MACROD2: variants seen among roughly 807,000 people sequenced by gnomAD.
MACROD2 encodes the protein mono-ADP ribosylhydrolase 2, also known as ADP-ribose glycohydrolase MACROD2.
A neutral mutation model predicts 70.4 loss-of-function variants in MACROD2; 36 were observed. The ratio of observed to expected loss-of-function variants is 0.51; its 90% CI spans 0.39 to 0.68. MACROD2 has a LOEUF of 0.68. Among genes scored for constraint, MACROD2 ranks in the 30% least tolerant of loss-of-function variants. MACROD2 has a pLI of 0.00. For synonymous variants in MACROD2, 172 were observed against 178.8 expected, an observed-to-expected ratio of 0.96 and a Z score of 0.30; for missense variants, 496 against 538.4, an observed-to-expected ratio of 0.92 and a Z score of 0.78.
intron 12 of MACROD2, among the ~76,000 whole-genome samples, chr20:15,958,794 C>T (rs1013728185): frequency 1.3e-5 from 2 of 152,150 alleles, no homozygotes; most frequent in East Asian, 1.9e-4. Context: ...AGGGTTGGTC[C>T]CCACGATAGA....
chr20:14,140,866 A>G (rs1429047542), intron 3 of MACROD2, among the ~76,000 whole-genome samples: 6 of 152,220 alleles, frequency 3.9e-5, no homozygotes, highest in Non-Finnish European at 7.3e-5. Flanking sequence ...CTAGCCCTCT[A>G]TATGGATCTT....
At chr20:15,280,224 T>A (rs1231212468) in intron 6 of MACROD2, among the ~76,000 whole-genome samples, 2 of 152,190 alleles carry the variant, frequency 1.3e-5, no homozygotes, top group African/African-American at 4.8e-5. Context: ...GGTAAGAATA[T>A]TTGTTTCAGC....
At chr20:14,842,996 T>C (rs2073102909) in intron 5 of MACROD2, among the ~76,000 whole-genome samples, 1 of 151,994 alleles carries the variant, frequency 6.6e-6, no homozygotes, top group Non-Finnish European at 1.5e-5. Context: ...TCTCCATTTA[T>C]ACCATAAACA....
At chr20:15,448,685 A>G (rs1466607113) in intron 7 of MACROD2, among the ~76,000 whole-genome samples, 2 of 152,170 alleles carry the variant, frequency 1.3e-5, no homozygotes, top group Non-Finnish European at 2.9e-5. Flanking sequence ...TATAATGCAC[A>G]GTATTATCTT....
chr20:15,663,278 C>T (rs188431119), intron 8 of MACROD2, among the ~76,000 whole-genome samples: 4 of 150,346 alleles, frequency 2.7e-5, no homozygotes, highest in South Asian at 2.1e-4. Context: ...CTCTGTCACC[C>T]GCGCTGTACT....
At chr20:14,623,607 G>A (rs967671593) in intron 4 of MACROD2, among the ~76,000 whole-genome samples, 1 of 152,098 alleles carries the variant, frequency 6.6e-6, no homozygotes, top group African/African-American at 2.4e-5. Context: ...TACACAGAGG[G>A]CTGAAAAACT....
intron 3 of MACROD2, among the ~76,000 whole-genome samples, chr20:14,464,180 G>A (rs1346451804): frequency 6.6e-6 from 1 of 151,866 alleles, no homozygotes; most frequent in Non-Finnish European, 1.5e-5. Context: ...TTTTTTGGTT[G>A]GTAAGCTATT....
intron 4 of MACROD2, among the ~76,000 whole-genome samples, chr20:14,619,322 G>A (rs1983665035): frequency 6.9e-6 from 1 of 144,956 alleles, no homozygotes; most frequent in Non-Finnish European, 1.5e-5. Context: ...TCTTTCTTCA[G>A]TAGAAGAAGA....
intron 3 of MACROD2, chr20:14,324,366 TAGAAGGAAATG>T (rs2082701685): frequency 6.6e-6 from 1 of 152,536 alleles, no homozygotes; most frequent in Non-Finnish European, 1.5e-5. Flanking sequence ...AGTAGGAAGC[TAGAAGGAAATG>T]TTACATTACG....
chr20:14,334,383 G>A (rs1371948853), intron 3 of MACROD2, among the ~76,000 whole-genome samples: 1 of 152,160 alleles, frequency 6.6e-6, no homozygotes, highest in Non-Finnish European at 1.5e-5. Flanking sequence ...TTTATTTGTT[G>A]ACTTTCAGTA....
chr20:14,579,127 C>CTTTTTTTTTTT (rs71190141), intron 4 of MACROD2, among the ~76,000 whole-genome samples: 1 of 74,352 alleles, frequency 1.3e-5, no homozygotes, highest in Admixed American at 2.2e-4. Context: ...GTATCCAATT[C>CTTTTTTTTTTT]TTTTTTTTTT....
intron 5 of MACROD2, among the ~76,000 whole-genome samples, chr20:15,201,549 A>C (rs192552593): frequency 2.6e-5 from 4 of 152,230 alleles, no homozygotes; most frequent in Non-Finnish European, 1.5e-5. Context: ...TAATTCATGA[A>C]TACTGCCCAA....
chr20:14,758,378 G>T (rs2071969796), intron 5 of MACROD2, among the ~76,000 whole-genome samples: 1 of 152,088 alleles, frequency 6.6e-6, no homozygotes, highest in Non-Finnish European at 1.5e-5. Context: ...TCCATGCCCA[G>T]AATGCTTCCC....
intron 8 of MACROD2, among the ~76,000 whole-genome samples, chr20:15,723,877 A>G (rs1013116166): frequency 2.6e-5 from 4 of 152,194 alleles, no homozygotes; most frequent in African/African-American, 7.2e-5. Context: ...CTGTCTTTCA[A>G]GGTACTGTAC....
chr20:15,149,510 C>T (rs1029719468), intron 5 of MACROD2, among the ~76,000 whole-genome samples: 1 of 151,764 alleles, frequency 6.6e-6, no homozygotes, highest in Non-Finnish European at 1.5e-5. Context: ...AAGTCCGGGC[C>T]AGGAACAATG....
intron 4 of MACROD2, among the ~76,000 whole-genome samples, chr20:14,603,739 T>C (rs1982634747): frequency 6.6e-6 from 1 of 152,188 alleles, no homozygotes; most frequent in South Asian, 2.1e-4. Context: ...AGAGTTTTAT[T>C]GTCATCAATA....
chr20:14,259,375 T>A (rs1417769847), intron 3 of MACROD2, among the ~76,000 whole-genome samples: 2 of 152,228 alleles, frequency 1.3e-5, no homozygotes, highest in Non-Finnish European at 2.9e-5. Context: ...TATAATTTGA[T>A]TTTAATACTC....
At chr20:14,614,383 C>G (rs536875972) in intron 4 of MACROD2, among the ~76,000 whole-genome samples, 2 of 152,208 alleles carry the variant, frequency 1.3e-5, no homozygotes, top group East Asian at 3.9e-4. Context: ...GGAGTTGGTG[C>G]TCACCTCACC....
intron 4 of MACROD2, among the ~76,000 whole-genome samples, chr20:14,642,918 T>C (rs781247239): frequency 3.3e-5 from 5 of 151,938 alleles, no homozygotes; most frequent in Non-Finnish European, 7.4e-5. Context: ...GCTCAACACA[T>C]GGTTGCCACA....
Sources: allele counts gnomAD v4.1 joint callset (sites outside exome capture counted in the v4.1 genomes callset), GRCh38; gene constraint gnomAD v4.1.1; transcripts MANE v1.5; gene names NCBI Gene and HGNC (gene_info 2026-07-23, HGNC 2026-07-21).